EFCAB6: variants seen among roughly 807,000 people sequenced by gnomAD.
EFCAB6 encodes EF-hand calcium-binding domain-containing protein 6.
Under a neutral mutation model 169.8 loss-of-function variants are expected in EFCAB6, and 156 were observed. The observed-to-expected ratio is 0.92, with a 90% CI of 0.81 to 1.05. The LOEUF (loss-of-function observed/expected upper bound fraction) is 1.05. EFCAB6 is among the 50% of genes least tolerant of loss of function. EFCAB6 has a pLI of 0.00. For missense variants in EFCAB6, 1,800 were observed against 1,829.1 expected, an observed-to-expected ratio of 0.98 and a Z score of 0.29; for synonymous variants, 698 against 676.4, an observed-to-expected ratio of 1.03 and a Z score of -0.50.
At chr22:43,566,776 A>G (rs541475318) in intron 26 of EFCAB6, among the ~76,000 whole-genome samples, 1 of 152,316 alleles carries the variant, frequency 6.6e-6, no homozygotes, top group East Asian at 1.9e-4. Context: ...CAGAGCAGTG[A>G]GCCAAAACCC....
chr22:43,551,538 C>T lies in EFCAB6; in HGVS notation c.3648+3331G>A, dbSNP rs545433136. On this transcript the variant is annotated intron_variant, in intron 27 of 31. Coordinates refer to ENST00000262726, the MANE Select transcript of EFCAB6 (RefSeq NM_022785.4). Reference sequence around the variant, plus strand: ...CCTTCAACAACTTTTATTTTAGTTTCAAGGGTACATGTGCAGGTTTGTTCC... The same window carrying T: ...CCTTCAACAACTTTTATTTTAGTTTTAAGGGTACATGTGCAGGTTTGTTCC... 6.6e-5 allele frequency among the ~76,000 whole-genome samples: 10 copies of T among 152,210 alleles called. No individual in the cohort carries two copies. In the South Asian group the frequency reaches 2.1e-3, roughly 32 times the overall value.
chr22:43,721,812 T>C (rs1005725366), intron 8 of EFCAB6, among the ~76,000 whole-genome samples: 1 of 151,980 alleles, frequency 6.6e-6, no homozygotes, highest in Non-Finnish European at 1.5e-5. Context: ...CTGGGAAATA[T>C]CCTTCTCAAC....
Position 43,755,841 on chromosome 22 carries a change from T to TA in EFCAB6, c.441-10dup, listed in dbSNP as rs374847284. On this transcript the variant is annotated splice_polypyrimidine_tract_variant and intron_variant, in intron 5 of 31. Transcript: ENST00000262726. ...TTTCATTCCCACCTCCCCTTAGAAATAAAAAAAAAATCTTTATTAAAACAT... is the reference window on the plus strand; with the variant it reads ...TTTCATTCCCACCTCCCCTTAGAAATAAAAAAAAAAATCTTTATTAAAACAT... 4.7e-4 allele frequency: 705 copies of TA among 1,499,720 alleles called. No homozygotes were observed. The highest frequency in any genetic ancestry group is 1.4e-3 in the Admixed American group (72 of 49,892). 92.9% of individuals were successfully genotyped at this position (1,499,720 alleles called of 1,614,324 possible).
intron 3 of EFCAB6, among the ~76,000 whole-genome samples, chr22:43,773,915 A>G (rs1027896885): frequency 8.5e-5 from 13 of 152,196 alleles, no homozygotes; most frequent in African/African-American, 2.2e-4. Flanking sequence ...TTGGAAGGAA[A>G]GGAATAATGT....
chr22:43,608,089 G>C (rs2053043850), intron 22 of EFCAB6, among the ~76,000 whole-genome samples: 1 of 152,144 alleles, frequency 6.6e-6, no homozygotes, highest in South Asian at 2.1e-4. Context: ...AGGTAATGGG[G>C]AGAAACTCCT....
intron 7 of EFCAB6, among the ~76,000 whole-genome samples, chr22:43,735,377 G>A (rs557106436): frequency 2.2e-4 from 33 of 152,002 alleles, no homozygotes; most frequent in African/African-American, 7.7e-4. Flanking sequence ...CAGCAACAAC[G>A]GTCCTCAAAG....
intron 2 of EFCAB6, among the ~76,000 whole-genome samples, chr22:43,808,327 G>A (rs1025158288): frequency 6.6e-6 from 1 of 152,186 alleles, no homozygotes; most frequent in South Asian, 2.1e-4. Context: ...GTGCTGAAAC[G>A]AATCTCCCAC....
At chr22:43,786,288 G>T (rs988227895) in intron 2 of EFCAB6, among the ~76,000 whole-genome samples, 3 of 152,094 alleles carry the variant, frequency 2.0e-5, no homozygotes, top group Non-Finnish European at 2.9e-5. Context: ...GCTTGAACTT[G>T]GGAGGTGGAT....
At chr22:43,709,592 T>C (rs1211941706) in intron 10 of EFCAB6, among the ~76,000 whole-genome samples, 2 of 152,228 alleles carry the variant, frequency 1.3e-5, no homozygotes, top group African/African-American at 4.8e-5. Context: ...AAAGATTATA[T>C]TTGTACGTGA....
intron 10 of EFCAB6, among the ~76,000 whole-genome samples, chr22:43,700,485 G>T (rs2058728631): frequency 6.6e-6 from 1 of 152,062 alleles, no homozygotes; most frequent in African/African-American, 2.4e-5. Context: ...TACTTCTTAA[G>T]TTAAAATGCA....
At chr22:43,576,573 G>T in intron 25 of EFCAB6, 85 bp from the exon 26 acceptor site, 1 of 1,160,438 alleles carries the variant, frequency 8.6e-7, no homozygotes, top group African/African-American at 1.6e-5. Context: ...TGTTTCTGCT[G>T]AATGCAAATG....
At chr22:43,716,748 A>C (rs984860126) in intron 9 of EFCAB6, 100 bp downstream of exon 9, 2 of 1,435,096 alleles carry the variant, frequency 1.4e-6, no homozygotes, top group Non-Finnish European at 1.8e-6. Flanking sequence ...GTAGGATCGA[A>C]ACAAATTTTA....
intron 6 of EFCAB6, among the ~76,000 whole-genome samples, chr22:43,746,923 G>C (rs2060586521): frequency 6.6e-6 from 1 of 152,204 alleles, no homozygotes; most frequent in Non-Finnish European, 1.5e-5. Context: ...TCACAGGACA[G>C]AGCTGCACAC....
chr22:43,602,498 C>T (rs73172060), intron 22 of EFCAB6, among the ~76,000 whole-genome samples: 5 of 152,214 alleles, frequency 3.3e-5, no homozygotes, highest in Non-Finnish European at 7.4e-5. Flanking sequence ...ACCTAGGAGG[C>T]GGAAGGGCTG....
chr22:43,586,977 T>A (rs1431247707), intron 24 of EFCAB6, among the ~76,000 whole-genome samples: 1 of 152,190 alleles, frequency 6.6e-6, no homozygotes, highest in East Asian at 1.9e-4. Context: ...GGAATAGATG[T>A]ATCAGAATCC....
intron 2 of EFCAB6, among the ~76,000 whole-genome samples, chr22:43,798,140 C>G (rs539077607): frequency 6.6e-6 from 1 of 152,058 alleles, no homozygotes. Flanking sequence ...AATCCCAGCA[C>G]TTCGGGAGGC....
chr22:43,786,743 AAAAG>A (rs1346948100), intron 2 of EFCAB6, among the ~76,000 whole-genome samples: 1 of 151,904 alleles, frequency 6.6e-6, no homozygotes, highest in Non-Finnish European at 1.5e-5. Context: ...AAAATTTAAA[AAAAG>A]AAAGAAAAGA....
At chr22:43,766,735 C>A (rs571651701) in intron 4 of EFCAB6, among the ~76,000 whole-genome samples, 7 of 152,166 alleles carry the variant, frequency 4.6e-5, no homozygotes, top group African/African-American at 1.7e-4. Context: ...GGCTGGTTTC[C>A]AACTCCTGAC....
At chr22:43,620,412 G>C (rs2054038722) in intron 20 of EFCAB6, among the ~76,000 whole-genome samples, 1 of 152,188 alleles carries the variant, frequency 6.6e-6, no homozygotes, top group African/African-American at 2.4e-5. Flanking sequence ...TCTTGCCACA[G>C]ATTATGGAGG....
Sources: gnomAD v4.1 joint callset for allele counts (sites outside exome capture counted in the v4.1 genomes callset) on GRCh38, gnomAD v4.1.1 for gene constraint, MANE v1.5 for transcripts, NCBI Gene and HGNC (gene_info 2026-07-23, HGNC 2026-07-21) for gene names.